PUM3: variants seen among roughly 807,000 people sequenced by gnomAD.
PUM3 encodes pumilio homolog 3.
A neutral mutation model predicts 84.0 loss-of-function variants in PUM3; 91 were observed. That is an observed-to-expected ratio of 1.08 (90% CI 0.91 to 1.29). The LOEUF is 1.29. PUM3 is among the 50% of genes most tolerant of loss of function. The probability of loss-of-function intolerance (pLI) is 0.00; values close to 1 mark genes in which losing one functional copy is unlikely to be tolerated. For missense variants in PUM3, 1,067 were observed against 767.5 expected (o/e 1.39, Z -4.61); for synonymous variants, 321 against 266.7 (o/e 1.20, Z -1.98).
chr9:2,827,584 T>C (rs186415188), intron 9 of PUM3, among the ~76,000 whole-genome samples: 36 of 152,344 alleles, frequency 2.4e-4, no homozygotes, highest in Admixed American at 1.2e-3. Context: ...GAATTAAAAC[T>C]TGAATGAACC....
At chr9:2,809,731 T>G (rs1248513689) in intron 16 of PUM3, among the ~76,000 whole-genome samples, 1 of 152,198 alleles carries the variant, frequency 6.6e-6, no homozygotes, top group Middle Eastern at 3.2e-3. Flanking sequence ...GAGATAGGAC[T>G]GAGAGGGGAA....
At chr9:2,821,233 A>C (rs1326547847) in intron 12 of PUM3, among the ~76,000 whole-genome samples, 1 of 152,088 alleles carries the variant, frequency 6.6e-6, no homozygotes, top group East Asian at 1.9e-4. Context: ...TCACGAGGTC[A>C]GGAGATCGAG....
At chr9:2,828,822 T>C (rs1255829972) in intron 8 of PUM3, 44 bp from the exon 9 acceptor site, 3 of 1,068,574 alleles carry the variant, frequency 2.8e-6, no homozygotes, top group Non-Finnish European at 4.3e-6. Context: ...ATTTAATCAA[T>C]TTTTTCACTT....
chr9:2,823,380 G>A (rs6476038), intron 12 of PUM3, among the ~76,000 whole-genome samples: 62,578 of 151,702 alleles, frequency 0.41, 13,671 homozygotes, highest in South Asian at 0.56. Flanking sequence ...TGGTCATAAG[G>A]AAAACTACTA....
In PUM3 at chr9:2,811,371, T is replaced by C. The variant is rs369201804; in HGVS notation, c.1625A>G (p.Lys542Arg). The change falls in exon 15 of 18, where the codon AAG becomes AGG. Residue 542 changes from lysine to arginine, a missense_variant. Coordinates refer to ENST00000397885, the MANE Select transcript of PUM3 (RefSeq NM_014878.5). ...LAATGLHPGG[K>R]DGELHIAEHP... is the part of the protein sequence containing the mutation. ...TTAATGGCACATTACCTCTCCGTCC[T>C]TGCCACCAGGATGCAGTCCTGTTGC... The C allele has an allele frequency of 2.9e-5, 47 of 1,613,950 alleles. No homozygotes were observed. In the Admixed American group the frequency reaches 7.0e-4, roughly 24 times the overall value.
chr9:2,831,302 T>G lies in PUM3; in HGVS notation c.559A>C (p.Ile187Leu), dbSNP rs1383079509. The part of the protein sequence containing the change: ...HDSTRVIQCY[I>L]QYGNEEQRKQ... Reference sequence around the variant, plus strand: ...CTCTGTTCTTCATTACCATACTGAATGTAACACTGGATCACACGAGTTGAA... The same window carrying G: ...CTCTGTTCTTCATTACCATACTGAAGGTAACACTGGATCACACGAGTTGAA... The change falls in exon 6 of 18, where the codon ATT becomes CTT. Residue 187 changes from isoleucine to leucine, a missense_variant. Coordinates refer to ENST00000397885, the MANE Select transcript of PUM3 (RefSeq NM_014878.5). The G allele has an allele frequency of 1.9e-6, 3 of 1,611,234 alleles. No homozygotes were observed. In the Admixed American group the frequency reaches 5.1e-5, roughly 27 times the overall value.
chr9:2,822,185 C>G (rs573516332), intron 12 of PUM3, among the ~76,000 whole-genome samples: 1 of 152,086 alleles, frequency 6.6e-6, no homozygotes, highest in South Asian at 2.1e-4. Flanking sequence ...ATGTTTCTCT[C>G]AGCAACTGAT....
intron 13 of PUM3, among the ~76,000 whole-genome samples, chr9:2,818,070 C>A (rs542325150): frequency 1.4e-4 from 21 of 152,348 alleles, no homozygotes; most frequent in African/African-American, 4.8e-4. Context: ...TTTGGGAAGT[C>A]TGGTGCCCTG....
rs748083630 is a variant in PUM3 at position 2,811,527 on chromosome 9, A to C, written c.1469T>G (p.Leu490Trp). The stretch of plus-strand genomic sequence containing the variant: ...GGCGTGTTCTTGCAGGTAGCTTAAC[A>C]AAGCTGGAGAAATGGATTCTAGGAG... ...RELLESISPA[L>W]LSYLQEHAQE... Residue 490 changes from leucine to tryptophan, a missense_variant, in exon 15 of 18, where the codon TTG becomes TGG. Transcript: ENST00000397885. The C allele has an allele frequency of 6.2e-7, 1 of 1,614,174 alleles. No individual in the cohort carries two copies. Among genetic ancestry groups the C allele is most frequent in the Non-Finnish European group, 8.5e-7 (1 of 1,180,016 alleles).
chr9:2,804,519 T>A lies in PUM3; in HGVS notation c.1815-56A>T. On this transcript the variant is annotated intron_variant, in intron 17 of 17. Coordinates refer to ENST00000397885, the MANE Select transcript of PUM3 (RefSeq NM_014878.5). ...AGCATTCCTAGATCATCTCCAATAC[T>A]ACCTGTACCAACAGTAAAAAAGACT... 5 of 1,517,964 alleles carry A rather than the reference T, an allele frequency of 3.3e-6. No individual in the cohort carries two copies. In the South Asian group the frequency reaches 6.1e-5, roughly 19 times the overall value. 94.0% of individuals were successfully genotyped at this position (1,517,964 alleles called of 1,614,324 possible).
chr9:2,836,178 T>C (rs1034445017), intron 3 of PUM3, among the ~76,000 whole-genome samples: 4 of 152,260 alleles, frequency 2.6e-5, no homozygotes, highest in African/African-American at 9.6e-5. Flanking sequence ...CTGCTGTCCC[T>C]CTGGTAAGCA....
At chr9:2,808,531 G>C (rs1245862369) in intron 16 of PUM3, among the ~76,000 whole-genome samples, 1 of 152,178 alleles carries the variant, frequency 6.6e-6, no homozygotes, top group Non-Finnish European at 1.5e-5. Flanking sequence ...AATTCTGATA[G>C]CTAAGATTTA....
rs1400450176 is a variant in PUM3 at position 2,834,103 on chromosome 9, C to T, written c.368G>A (p.Ser123Asn). Residue 123 changes from serine (S) to asparagine (N), a missense_variant, in exon 4 of 18, where the codon AGC (serine) becomes AAC (asparagine). By Grantham distance (46) the Ser-to-Asn change is conservative. Coordinates refer to ENST00000397885, the MANE Select transcript of PUM3 (RefSeq NM_014878.5). The stretch of plus-strand genomic sequence containing the variant: ...GTTGGTTTTATCACTGAGTTGTCTG[C>T]TTTGCTTCAGTTCTTTCTTCTTCTT... The part of the protein sequence containing the change: ...FKKKKKELKQ[S>N]RQLSDKTNYD... 1 of 1,613,660 alleles carries T rather than the reference C, an allele frequency of 6.2e-7. No individual in the cohort carries two copies. Among genetic ancestry groups the T allele is most frequent in the Non-Finnish European group, 8.5e-7 (1 of 1,179,818 alleles).
chr9:2,827,983 G>C (rs1018606268), intron 9 of PUM3, among the ~76,000 whole-genome samples: 2 of 152,156 alleles, frequency 1.3e-5, no homozygotes, highest in South Asian at 2.1e-4. Context: ...TCCACTACTG[G>C]ACAGATGCCA....
Position 2,820,096 on chromosome 9 carries a change from G to A in PUM3, c.1191C>T (p.Gly397=). 1.2e-6 allele frequency: 2 copies of A among 1,607,560 alleles called. No individual in the cohort carries two copies. The highest frequency in any genetic ancestry group is 1.3e-5 in the African/African-American group (1 of 74,680). ...CCAGTAAAACCAAATGGGAGTATTG[G>A]CCCTGCAAGAATTGGAAGCCAGCAA... The part of the protein sequence containing the change: ...MKTYVEKVAN[G]QYSHLVLLAA... The change falls in exon 13 of 18, where the codon GGC becomes GGT. Residue 397 remains glycine, a splice_region_variant and synonymous_variant. Transcript: ENST00000397885.
intron 13 of PUM3, among the ~76,000 whole-genome samples, chr9:2,817,284 T>C (rs1821489850): frequency 6.6e-6 from 1 of 152,212 alleles, no homozygotes; most frequent in South Asian, 2.1e-4. Flanking sequence ...TGATTTAGAA[T>C]AGGGATGGGT....
chr9:2,812,058 G>T (rs1182072294), intron 14 of PUM3, among the ~76,000 whole-genome samples, 162 bp downstream of exon 14: 1 of 152,120 alleles, frequency 6.6e-6, no homozygotes, highest in African/African-American at 2.4e-5. Flanking sequence ...TCCTTGTCAA[G>T]ATAAAAACTT....
Position 2,810,391 on chromosome 9 carries a change from T to A in PUM3, c.1676A>T (p.Lys559Met). The A allele has an allele frequency of 6.2e-7, 1 of 1,612,444 alleles. No individual in the cohort carries two copies. Among genetic ancestry groups the A allele is most frequent in the Non-Finnish European group, 8.5e-7 (1 of 1,178,998 alleles). The change falls in exon 16 of 18, where the codon AAG (lysine) becomes ATG (methionine). Residue 559 changes from lysine to methionine, a missense_variant. Physicochemically the swap from Lys to Met is moderately conservative, Grantham distance 95. Coordinates refer to ENST00000397885, the MANE Select transcript of PUM3 (RefSeq NM_014878.5). ...CTTTTTATCTTGCTCTATTAACCAC[T>A]TCAGAACTAGATGTCCTGCAGGATG... is the stretch of plus-strand genomic sequence containing the variant. ...AEHPAGHLVL[K>M]WLIEQDKKMK...
chr9:2,817,774 G>A (rs1192782471), intron 13 of PUM3, among the ~76,000 whole-genome samples: 1 of 152,158 alleles, frequency 6.6e-6, no homozygotes, highest in Non-Finnish European at 1.5e-5. Flanking sequence ...CATGTCAGGT[G>A]GTGGGAGGCT....
Sources: gnomAD v4.1 joint callset for allele counts (sites outside exome capture counted in the v4.1 genomes callset) on GRCh38, gnomAD v4.1.1 for gene constraint, MANE v1.5 for transcripts, NCBI Gene and HGNC (gene_info 2026-07-23, HGNC 2026-07-21) for gene names.